The following SPTAN1 variants were observed in gnomAD, a reference collection of about 807,000 sequenced individuals.
The protein encoded by SPTAN1 is spectrin alpha chain, non-erythrocytic 1.
In SPTAN1, 61 loss-of-function variants were observed where a neutral mutation model predicts 331.3. The observed-to-expected ratio is 0.18, with a 90% CI of 0.15 to 0.23. The LOEUF is 0.23. Ranked by LOEUF, SPTAN1 falls within the 10% of genes least tolerant of loss-of-function variation. The pLI is 1.00. For missense variants in SPTAN1, 2,043 were observed against 3,147.9 expected, an observed-to-expected ratio of 0.65 and a Z score of 8.40; for synonymous variants, 1,153 against 1,173.9, an observed-to-expected ratio of 0.98 and a Z score of 0.36.
intron 14 of SPTAN1, 58 bp downstream of exon 14, chr9:128,582,907 C>T (rs1852127681): frequency 6.2e-7 from 1 of 1,606,178 alleles, no homozygotes. Context: ...ACACAGCTCT[C>T]ACAAATAAAT....
intron 10 of SPTAN1, among the ~76,000 whole-genome samples, 183 bp downstream of exon 10, chr9:128,579,921 G>C (rs1017918124): frequency 1.3e-5 from 2 of 152,224 alleles, no homozygotes; most frequent in African/African-American, 4.8e-5. Context: ...CTGAGAGACA[G>C]TCCTCCTTAT....
chr9:128,633,448 A>ATAAGAC lies in SPTAN1; in HGVS notation c.*116_*121dup. The ATAAGAC allele has an allele frequency of 6.4e-7, 1 of 1,557,320 alleles. No homozygotes were observed. Among genetic ancestry groups the ATAAGAC allele is most frequent in the Non-Finnish European group, 8.8e-7 (1 of 1,140,264 alleles). ...TAACCTTAAGCCTGCTTAGCTTGGA[A>ATAAGAC]TAAGACTTAGGAGAAAATGGTGCTT... is the stretch of plus-strand genomic sequence containing the variant. On this transcript the variant is annotated 3_prime_UTR_variant, in exon 57 of 57. Coordinates refer to ENST00000372739, the MANE Select transcript of SPTAN1 (RefSeq NM_001130438.3).
At chr9:128,563,435 G>A (rs1296866274) in intron 1 of SPTAN1, among the ~76,000 whole-genome samples, 1 of 151,894 alleles carries the variant, frequency 6.6e-6, no homozygotes, top group East Asian at 1.9e-4. Context: ...ACAAAAAAAC[G>A]CCACTTTCTC....
intron 28 of SPTAN1, 95 bp downstream of exon 28, chr9:128,603,685 G>A (rs1440114681): frequency 1.4e-6 from 2 of 1,433,564 alleles, no homozygotes; most frequent in East Asian, 2.3e-5. Flanking sequence ...TGTCAACCGG[G>A]TGACCTGTGA....
intron 1 of SPTAN1, among the ~76,000 whole-genome samples, chr9:128,556,253 A>G (rs553135496): frequency 2.0e-5 from 3 of 151,856 alleles, no homozygotes; most frequent in African/African-American, 4.8e-5. Context: ...CTCTCTTTAT[A>G]TGTTTTCTTT....
chr9:128,625,845 T>C lies in SPTAN1; in HGVS notation c.6146T>C (p.Leu2049Pro). 2.5e-6 allele frequency: 4 copies of C among 1,614,170 alleles called. No individual in the cohort carries two copies. The highest frequency in any genetic ancestry group is 3.4e-6 in the Non-Finnish European group (4 of 1,180,028). ...ATCACTGCCCTCAAAGATCAGCTTCTCGCCGCCAAACACGTTCAGTCCAAG... is the reference window on the plus strand; with the variant it reads ...ATCACTGCCCTCAAAGATCAGCTTCCCGCCGCCAAACACGTTCAGTCCAAG... ...ANITALKDQL[L>P]AAKHVQSKAI... Residue 2049 changes from leucine (L) to proline (P), a missense_variant, in exon 48 of 57, where the codon CTC becomes CCC. Leu to Pro is a moderately conservative substitution (Grantham distance 98). Around this residue, in one of 12 missense-constraint regions of SPTAN1, gnomAD observed 256 missense variants for 376.4 expected, o/e 0.68. Coordinates refer to ENST00000372739, the MANE Select transcript of SPTAN1 (RefSeq NM_001130438.3). This position sits in a 1 kb window ranked among gnomAD's most constrained non-coding sequence, Gnocchi z 4.1.
rs1245531904 is a variant in SPTAN1, at chr9:128,584,779, A to G, written c.2496A>G (p.Glu832=). The G allele has an allele frequency of 1.1e-5, 18 of 1,614,102 alleles. No homozygotes were observed. The highest frequency in any genetic ancestry group is 1.4e-5 in the Non-Finnish European group (17 of 1,180,046). The change falls in exon 18 of 57, where the codon GAA becomes GAG. Residue 832 remains glutamate, a synonymous_variant. Coordinates refer to ENST00000372739, the MANE Select transcript of SPTAN1 (RefSeq NM_001130438.3). Reference sequence around the variant, plus strand: ...AGAAACATCAAGCCTTACAAGCAGAAATTGCTGGACATGAACCACGCATCA... The same window carrying G: ...AGAAACATCAAGCCTTACAAGCAGAGATTGCTGGACATGAACCACGCATCA... ...LLKKHQALQA[E]IAGHEPRIKA... is the part of the protein sequence containing the mutation.
At chr9:128,605,641 G>T (rs1465708806) in intron 31 of SPTAN1, among the ~76,000 whole-genome samples, 164 bp downstream of exon 31, 1 of 152,036 alleles carries the variant, frequency 6.6e-6, no homozygotes. Context: ...CTCAGGAGCC[G>T]GAGACCAGCC....
chr9:128,599,788 T>C (rs139541887), intron 26 of SPTAN1: 3 of 445,686 alleles, frequency 6.7e-6, no homozygotes, highest in South Asian at 3.1e-5. Context: ...GACAATCTTA[T>C]GAGTACAACA....
rs1477456007 is a variant in SPTAN1, at chr9:128,552,787, G to GGGGCC, written c.-4+94_-4+98dup. The GGGGCC allele has an allele frequency of 1.3e-5, 2 of 151,864 alleles. No homozygotes were observed. Among genetic ancestry groups the GGGGCC allele is most frequent in the African/African-American group, 4.8e-5 (2 of 41,284 alleles). 9.4% of individuals were successfully genotyped at this position (151,864 alleles called of 1,614,324 possible). On this transcript the variant is annotated intron_variant, in intron 1 of 56. Transcript: ENST00000372739. The surrounding 1 kb of genome is among the most constrained non-coding windows in gnomAD (Gnocchi z 4.6). Reference sequence around the variant, plus strand: ...AGCTGGGCAGCTCTTCAGGCGGGGCGGGGCCGGCGCGCGGACAGGTGAGCC... The same window carrying GGGGCC: ...AGCTGGGCAGCTCTTCAGGCGGGGCGGGGCCGGGCCGGCGCGCGGACAGGTGAGCC...
rs187763623 is a variant in SPTAN1 at position 128,611,260 on chromosome 9, G to A, written c.4774-454G>A. On this transcript the variant is annotated intron_variant, in intron 37 of 56. Coordinates refer to ENST00000372739, the MANE Select transcript of SPTAN1 (RefSeq NM_001130438.3). Reference sequence around the variant, plus strand: ...CAATGTGGCTCGATTGCTTGAGCTCGGGAGTTCAAGACCAGCCTGGGCAAC... The same window carrying A: ...CAATGTGGCTCGATTGCTTGAGCTCAGGAGTTCAAGACCAGCCTGGGCAAC... Among the ~76,000 whole-genome samples, 191 of 152,184 alleles carry A rather than the reference G, an allele frequency of 1.3e-3. 1 individual carries two copies. Among genetic ancestry groups the A allele is most frequent in the African/African-American group, 4.4e-3 (182 of 41,520 alleles).
At chr9:128,592,773 T>G (rs917522085) in intron 22 of SPTAN1, among the ~76,000 whole-genome samples, 11 of 152,110 alleles carry the variant, frequency 7.2e-5, no homozygotes, top group African/African-American at 2.2e-4. Flanking sequence ...GCCAGGAAAA[T>G]GAAGGTGAAC....
At chr9:128,618,357 T>C (rs183550589) in intron 43 of SPTAN1, among the ~76,000 whole-genome samples, 22 of 151,696 alleles carry the variant, frequency 1.5e-4, no homozygotes, top group African/African-American at 5.3e-4. Flanking sequence ...GAATCACACA[T>C]GAATCACACA....
At chr9:128,630,956 G>A (rs1056813340) in intron 52 of SPTAN1, among the ~76,000 whole-genome samples, 2 of 151,986 alleles carry the variant, frequency 1.3e-5, no homozygotes, top group African/African-American at 4.8e-5. Context: ...TGATCTGCCC[G>A]CCTCGGCCTC....
In SPTAN1 at chr9:128,585,650, A is replaced by G. The variant is rs1852508205; in HGVS notation, c.2561-98A>G. 3.0e-6 allele frequency: 3 copies of G among 1,000,734 alleles called. No individual in the cohort carries two copies. The Admixed American group carries it at 5.3e-5, about 18-fold the overall frequency. 62.0% of individuals were successfully genotyped at this position (1,000,734 alleles called of 1,614,324 possible). On this transcript the variant is annotated intron_variant, in intron 18 of 56. Transcript: ENST00000372739. ...AGGGCACAGCTCACCAAAACATAGT[A>G]ATGAAAGTGCCGTGAACACACAGAG...
At chr9:128,607,572 A>C in intron 31 of SPTAN1, 32 bp from the exon 32 acceptor site, 12 of 1,517,076 alleles carry the variant, frequency 7.9e-6, no homozygotes, top group Non-Finnish European at 1.1e-5. Flanking sequence ...CAGGTAATAT[A>C]ATAGCTATTT....
intron 19 of SPTAN1, among the ~76,000 whole-genome samples, chr9:128,587,370 C>T (rs924792653): frequency 7.2e-5 from 11 of 152,198 alleles, no homozygotes; most frequent in African/African-American, 2.7e-4. Context: ...CAGGCATAAG[C>T]CTCTGTGCCT....
In SPTAN1 at chr9:128,628,901, C is replaced by T. The variant is rs181382502; in HGVS notation, c.6707+959C>T. On this transcript the variant is annotated intron_variant, in intron 51 of 56. Transcript: ENST00000372739. ...TTGCTCTTGTCTCCGTGAGGTGCCA[C>T]GCTCCCCTCACCTTATGGCTCCTCC... is the stretch of plus-strand genomic sequence containing the variant. 1,076 of 377,678 alleles carry T rather than the reference C, an allele frequency of 2.8e-3. 2 individuals carry two copies. The highest frequency in any genetic ancestry group is 3.8e-3 in the Non-Finnish European group (815 of 213,138). 23.4% of individuals were successfully genotyped at this position (377,678 alleles called of 1,614,324 possible). A position where few individuals can be genotyped will look rare whatever the true frequency, so the allele number is the denominator to read the frequency against.
At chr9:128,628,378 A>G in intron 51 of SPTAN1, 1 of 364,408 alleles carries the variant, frequency 2.7e-6, no homozygotes, top group Non-Finnish European at 5.4e-6. Flanking sequence ...AGGGTACAGT[A>G]AGTCCACAGC....
Sources: allele counts gnomAD v4.1 joint callset (sites outside exome capture counted in the v4.1 genomes callset), GRCh38; gene constraint gnomAD v4.1.1; regional missense constraint gnomAD v4.1.1; non-coding constraint Gnocchi (gnomAD v3.1); transcripts MANE v1.5; gene names NCBI Gene and HGNC (gene_info 2026-07-23, HGNC 2026-07-21).